The following TTF1 variants were observed in gnomAD, a reference collection of about 807,000 sequenced individuals.
TTF1 encodes the protein transcription termination factor, RNA polymerase I.
Under a neutral mutation model 80.2 loss-of-function variants are expected in TTF1, and 64 were observed. The ratio of observed to expected loss-of-function variants is 0.80; its 90% CI spans 0.65 to 0.98. TTF1 has a LOEUF of 0.98. Among genes scored for constraint, TTF1 ranks in the 50% least tolerant of loss-of-function variants. The pLI is 0.00. For synonymous variants in TTF1, 372 were observed against 382.7 expected, an observed-to-expected ratio of 0.97 and a Z score of 0.33; for missense variants, 1,023 against 1,086.2, an observed-to-expected ratio of 0.94 and a Z score of 0.82.
chr9:132,396,677 T>G (rs1849656946), intron 4 of TTF1, among the ~76,000 whole-genome samples, 166 bp from the exon 5 acceptor site: 1 of 149,556 alleles, frequency 6.7e-6, no homozygotes. Flanking sequence ...TTTGTTTGTT[T>G]TTTTTTTTTT....
intron 8 of TTF1, among the ~76,000 whole-genome samples, 195 bp downstream of exon 8, chr9:132,387,944 G>A (rs1401083539): frequency 6.6e-6 from 1 of 152,180 alleles, no homozygotes; most frequent in Admixed American, 6.5e-5. Flanking sequence ...TACGATTATC[G>A]TCATCCTCAG....
intron 9 of TTF1, 93 bp downstream of exon 9, chr9:132,386,463 T>C: frequency 1.9e-6 from 2 of 1,073,892 alleles, no homozygotes; most frequent in East Asian, 2.5e-5. Flanking sequence ...AAATGCAGCA[T>C]CATTATCAGC....
At chr9:132,376,526 A>G (rs998320236) in intron 10 of TTF1, among the ~76,000 whole-genome samples, 1 of 152,160 alleles carries the variant, frequency 6.6e-6, no homozygotes, top group Non-Finnish European at 1.5e-5. Flanking sequence ...CAGGTCCAGG[A>G]GAAATACCAG....
intron 7 of TTF1, among the ~76,000 whole-genome samples, chr9:132,390,365 G>A (rs1347764715): frequency 5.3e-5 from 8 of 152,146 alleles, no homozygotes; most frequent in African/African-American, 1.9e-4. Context: ...TCAATATTCA[G>A]TTTTAAAAAG....
rs145414490 is a variant in TTF1, at chr9:132,398,252, C to A, written c.1666G>T (p.Ala556Ser). Residue 556 changes from alanine (A) to serine (S), a missense_variant, in exon 4 of 11, where the codon GCC (alanine) becomes TCC (serine). By Grantham distance (99) the Ala-to-Ser change is moderately conservative (BLOSUM62 1). Transcript: ENST00000334270. ...TCTGCACTCTCAATGCCTGTCAGGGCTAGAAAGTCTTCCACATTTTTCTCT... is the reference window on the plus strand; with the variant it reads ...TCTGCACTCTCAATGCCTGTCAGGGATAGAAAGTCTTCCACATTTTTCTCT... ...QLEKNVEDFL[A>S]LTGIESADKL... is the part of the protein sequence containing the mutation. 3.1e-6 allele frequency: 5 copies of A among 1,609,276 alleles called. No individual in the cohort carries two copies. Among genetic ancestry groups the A allele is most frequent in the Non-Finnish European group, 4.2e-6 (5 of 1,178,460 alleles).
Position 132,401,593 on chromosome 9 carries a change from G to T in TTF1, c.1229C>A (p.Pro410His). Residue 410 changes from proline (P) to histidine (H), a missense_variant, in exon 2 of 11, where the codon CCC (proline) becomes CAC (histidine). Pro to His is a moderately conservative substitution (Grantham distance 77). Coordinates refer to ENST00000334270, the MANE Select transcript of TTF1 (RefSeq NM_007344.4). ...ARVSGDDFSV[P>H]SKNSESTLFD... ...GAGTGTGCTCTCAGAGTTCTTACTG[G>T]GCACTGAAAAATCATCACCAGACAC... The T allele has an allele frequency of 6.2e-7, 1 of 1,614,078 alleles. No individual in the cohort carries two copies. The highest frequency in any genetic ancestry group is 8.5e-7 in the Non-Finnish European group (1 of 1,180,034).
At chr9:132,395,047 C>T (rs989578602) in intron 5 of TTF1, among the ~76,000 whole-genome samples, 2 of 151,890 alleles carry the variant, frequency 1.3e-5, no homozygotes, top group Non-Finnish European at 2.9e-5. Context: ...CAAAAATTAG[C>T]CGGGCGTGGT....
In TTF1 at chr9:132,384,798, AGGCACCTGCCATCATGCCT is replaced by A. The variant is rs1849431274; in HGVS notation, c.2378+1739_2378+1757del. Reference sequence around the variant, plus strand: ...CAGCCTCCTGAGTAGCTGGGACTACAGGCACCTGCCATCATGCCTGGCTAATTTTTGTATTTTTGTAGAG... The same window carrying A: ...CAGCCTCCTGAGTAGCTGGGACTACAGGCTAATTTTTGTATTTTTGTAGAG... On this transcript the variant is annotated intron_variant, in intron 9 of 10. Coordinates refer to ENST00000334270, the MANE Select transcript of TTF1 (RefSeq NM_007344.4). This position sits in a 1 kb window ranked among gnomAD's most constrained non-coding sequence, Gnocchi z 4.1. Among the ~76,000 whole-genome samples the A allele has an allele frequency of 6.6e-6, 1 of 152,130 alleles. No individual in the cohort carries two copies. Among genetic ancestry groups the A allele is most frequent in the African/African-American group, 2.4e-5 (1 of 41,426 alleles).
In TTF1 at chr9:132,400,271, A is replaced by G. The variant is rs981353111; in HGVS notation, c.1368-13T>C. On this transcript the variant is annotated splice_polypyrimidine_tract_variant and intron_variant, in intron 2 of 10. Transcript: ENST00000334270. Reference sequence around the variant, plus strand: ...TGCAGGTTCTAACCTAAGGGGTTAGAAAATTGGGTTGACTAACATTAACAC... The same window carrying G: ...TGCAGGTTCTAACCTAAGGGGTTAGGAAATTGGGTTGACTAACATTAACAC... The G allele has an allele frequency of 1.2e-6, 2 of 1,611,880 alleles. No homozygotes were observed. The highest frequency in any genetic ancestry group is 1.7e-5 in the Admixed American group (1 of 59,990).
intron 6 of TTF1, among the ~76,000 whole-genome samples, chr9:132,391,521 A>C (rs948181457): frequency 6.8e-4 from 104 of 152,238 alleles, no homozygotes; most frequent in African/African-American, 2.2e-3. Flanking sequence ...AAAAAAAAAA[A>C]CAATTTAAGA....
chr9:132,382,521 C>T (rs1849385703), intron 9 of TTF1, among the ~76,000 whole-genome samples: 1 of 152,166 alleles, frequency 6.6e-6, no homozygotes, highest in African/African-American at 2.4e-5. Flanking sequence ...TGAATCTCCT[C>T]AAGAGGAAAT....
At chr9:132,397,919 G>C (rs1453220292) in intron 4 of TTF1, among the ~76,000 whole-genome samples, 1 of 152,036 alleles carries the variant, frequency 6.6e-6, no homozygotes, top group African/African-American at 2.4e-5. Flanking sequence ...CCCAGAGGTG[G>C]AGGTTGCAGT....
At chr9:132,391,565 G>C (rs891116679) in intron 6 of TTF1, among the ~76,000 whole-genome samples, 4 of 152,100 alleles carry the variant, frequency 2.6e-5, no homozygotes, top group African/African-American at 9.7e-5. Flanking sequence ...TGAAGAACTG[G>C]CTGCAAGGCA....
intron 10 of TTF1, among the ~76,000 whole-genome samples, chr9:132,377,672 G>GTGTGTGAGTGCATGTGA (rs1849240889): frequency 1.6e-5 from 2 of 128,648 alleles, no homozygotes; most frequent in Non-Finnish European, 3.3e-5. Flanking sequence ...AGTGCATGTG[G>GTGTGTGAGTGCATGTGA]TGTGTGAATG....
chr9:132,398,088 G>C, intron 4 of TTF1, 53 bp downstream of exon 4: 1 of 1,467,338 alleles, frequency 6.8e-7, no homozygotes, highest in South Asian at 1.4e-5. Context: ...GGGTTATCTT[G>C]TTTATGGCTG....
At chr9:132,385,835 A>C (rs1254532108) in intron 9 of TTF1, among the ~76,000 whole-genome samples, 1 of 152,126 alleles carries the variant, frequency 6.6e-6, no homozygotes, top group Non-Finnish European at 1.5e-5. Context: ...TATCGTTATC[A>C]TCAATGTAGT....
chr9:132,398,895 T>C (rs1671518744), intron 3 of TTF1, among the ~76,000 whole-genome samples: 1 of 152,046 alleles, frequency 6.6e-6, no homozygotes. Flanking sequence ...TGGCCTAGGT[T>C]TACTTTAAAA....
chr9:132,376,695 C>T (rs897174846), intron 10 of TTF1, among the ~76,000 whole-genome samples: 36 of 148,876 alleles, frequency 2.4e-4, no homozygotes, highest in African/African-American at 9.0e-4. Flanking sequence ...TAGGGTCTCG[C>T]TCTGTCACCC....
rs766395802 is a variant in TTF1, at chr9:132,391,574, C to CACT, written c.1987+499_1987+501dup. 5.3e-5 allele frequency among the ~76,000 whole-genome samples: 8 copies of CACT among 152,156 alleles called. No individual in the cohort carries two copies. In the East Asian group the frequency reaches 1.5e-3, roughly 29 times the overall value. On this transcript the variant is annotated intron_variant, in intron 6 of 10. Transcript: ENST00000334270. ...GAAACTTGAAGAACTGGCTGCAAGGCACTAGCTGTGTGGCCGGAGTGTGTG... is the reference window on the plus strand; with the variant it reads ...GAAACTTGAAGAACTGGCTGCAAGGCACTACTAGCTGTGTGGCCGGAGTGTGTG...
Sources: allele counts gnomAD v4.1 joint callset (sites outside exome capture counted in the v4.1 genomes callset), GRCh38; gene constraint gnomAD v4.1.1; non-coding constraint Gnocchi (gnomAD v3.1); transcripts MANE v1.5; gene names NCBI Gene and HGNC (gene_info 2026-07-23, HGNC 2026-07-21).